PAPSS2: variants seen among roughly 807,000 people sequenced by gnomAD.
PAPSS2 encodes the protein bifunctional 3'-phosphoadenosine 5'-phosphosulfate synthase 2.
In PAPSS2, 61 loss-of-function variants were observed where a neutral mutation model predicts 66.5. That is an observed-to-expected ratio of 0.92 (90% CI 0.75 to 1.14). The LOEUF (loss-of-function observed/expected upper bound fraction) is 1.14. PAPSS2 is among the 50% of genes most tolerant of loss of function. The pLI, the probability that PAPSS2 is intolerant of heterozygous loss-of-function variation, is 0.00. For missense variants in PAPSS2, 708 were observed against 789.6 expected, an observed-to-expected ratio of 0.90 and a Z score of 1.24; for synonymous variants, 289 against 287.5, an observed-to-expected ratio of 1.01 and a Z score of -0.05.
intron 1 of PAPSS2, among the ~76,000 whole-genome samples, chr10:87,671,963 T>C (rs188301315): frequency 6.6e-6 from 1 of 152,314 alleles, no homozygotes; most frequent in East Asian, 1.9e-4. Flanking sequence ...GGGTAATTGC[T>C]ACCTCCCTGT....
intron 6 of PAPSS2, 67 bp downstream of exon 6, chr10:87,715,165 C>A: frequency 2.4e-6 from 2 of 842,024 alleles, no homozygotes; most frequent in Non-Finnish European, 4.1e-6. Context: ...TTTACAATTA[C>A]TCTTAACAAT....
chr10:87,696,949 T>C (rs1853241906), intron 1 of PAPSS2, among the ~76,000 whole-genome samples: 1 of 152,266 alleles, frequency 6.6e-6, no homozygotes, highest in South Asian at 2.1e-4. Context: ...CACATTAGTG[T>C]GGTACAATGA....
At chr10:87,673,689 C>CTTTTTTTTT (rs34935261) in intron 1 of PAPSS2, among the ~76,000 whole-genome samples, 1 of 67,424 alleles carries the variant, frequency 1.5e-5, no homozygotes. Flanking sequence ...TTTTGGCTTA[C>CTTTTTTTTT]TTTTTTTTTT....
At chr10:87,702,555 T>G (rs1338719186) in intron 1 of PAPSS2, among the ~76,000 whole-genome samples, 5 of 152,118 alleles carry the variant, frequency 3.3e-5, no homozygotes, top group Non-Finnish European at 7.3e-5. Flanking sequence ...TTGGAACACG[T>G]TTAATCAGCA....
chr10:87,734,661 GTGTATATATATATATATATATA>G (rs1391867197), intron 9 of PAPSS2, among the ~76,000 whole-genome samples: 3 of 90,378 alleles, frequency 3.3e-5, no homozygotes, highest in African/African-American at 1.4e-4. Flanking sequence ...ATGAATGTGT[GTGTATATATATATATATATATA>G]TATATATATA....
At position 87,682,882 on chromosome 10, in the gene PAPSS2, T is replaced by C. The variant is rs1033194681; in HGVS notation, c.27+22874T>C. On this transcript the variant is annotated intron_variant, in intron 1 of 12. Coordinates refer to ENST00000456849, the MANE Select transcript of PAPSS2 (RefSeq NM_001015880.2). ...AAGGTGAAGCAGCTGGAAGCCTTTT[T>C]TCTCCACCAGGAAAGGAGGATAGAG... Among the ~76,000 whole-genome samples, 11 of 152,212 alleles carry C rather than the reference T, an allele frequency of 7.2e-5. No individual in the cohort carries two copies. In the East Asian group the frequency reaches 2.1e-3, roughly 29 times the overall value.
intron 11 of PAPSS2, among the ~76,000 whole-genome samples, chr10:87,744,587 G>GCA (rs1853913220): frequency 6.6e-6 from 1 of 151,866 alleles, no homozygotes; most frequent in Non-Finnish European, 1.5e-5. Context: ...CAGCATTTGT[G>GCA]TGTGAAAGGT....
chr10:87,678,690 C>T (rs1482807063), intron 1 of PAPSS2, among the ~76,000 whole-genome samples: 4 of 152,022 alleles, frequency 2.6e-5, no homozygotes, highest in Non-Finnish European at 5.9e-5. Flanking sequence ...AAATGCTCCA[C>T]ATCACTAATT....
chr10:87,715,100 T>A lies in PAPSS2; in HGVS notation c.753+2T>A, dbSNP rs1376314247. 6.6e-7 allele frequency: 1 copy of A among 1,509,816 alleles called. No individual in the cohort carries two copies. Among genetic ancestry groups the A allele is most frequent in the Non-Finnish European group, 9.2e-7 (1 of 1,084,922 alleles). 93.5% of individuals were successfully genotyped at this position (1,509,816 alleles called of 1,614,324 possible). On this transcript the variant is annotated splice_donor_variant, in intron 6 of 12. Coordinates refer to ENST00000456849, the MANE Select transcript of PAPSS2 (RefSeq NM_001015880.2). LOFTEE classifies it high-confidence loss of function. ...CTCCCTTCATTATCAATTACTAAGG[T>A]AAGTGGGTGCAGACTGGTCAAATAA...
intron 1 of PAPSS2, among the ~76,000 whole-genome samples, chr10:87,674,096 A>G (rs1225197345): frequency 6.6e-6 from 1 of 152,146 alleles, no homozygotes; most frequent in Non-Finnish European, 1.5e-5. Flanking sequence ...AAGACTGATA[A>G]AGACAGAGCA....
intron 1 of PAPSS2, among the ~76,000 whole-genome samples, chr10:87,668,290 T>G (rs1226953787): frequency 6.6e-6 from 1 of 152,232 alleles, no homozygotes; most frequent in East Asian, 1.9e-4. Context: ...CTTTCCTTTT[T>G]CAGTTCCTGT....
At chr10:87,710,262 T>C (rs7908313) in intron 2 of PAPSS2, among the ~76,000 whole-genome samples, 74,955 of 151,966 alleles carry the variant, frequency 0.49, 19,347 homozygotes, top group East Asian at 0.72. Flanking sequence ...ATTCTTGTAC[T>C]CTTCAAGTTT....
At chr10:87,679,720 A>G (rs1852994318) in intron 1 of PAPSS2, among the ~76,000 whole-genome samples, 1 of 152,140 alleles carries the variant, frequency 6.6e-6, no homozygotes, top group African/African-American at 2.4e-5. Flanking sequence ...AACTCCTATA[A>G]ATCAATATTT....
Position 87,701,425 on chromosome 10 carries a change from T to TCC in PAPSS2, c.28-7770_28-7769insCC, listed in dbSNP as rs1564716873. On this transcript the variant is annotated intron_variant, in intron 1 of 12. Coordinates refer to ENST00000456849, the MANE Select transcript of PAPSS2 (RefSeq NM_001015880.2). Reference sequence around the variant, plus strand: ...TTCTTTCTCTCTCTCTCTCTCTCTCTCTCTCTCTTTCTTTCAGACAAGGTC... The same window carrying TCC: ...TTCTTTCTCTCTCTCTCTCTCTCTCTCCCTCTCTCTTTCTTTCAGACAAGGTC... Among the ~76,000 whole-genome samples, 10 of 130,302 alleles carry TCC rather than the reference T, an allele frequency of 7.7e-5. 2 individuals are homozygous for TCC. Among genetic ancestry groups the TCC allele is most frequent in the Non-Finnish European group, 1.6e-5 (1 of 63,404 alleles). The allele number at this position is 130,302 out of a possible 152,430, so 85.5% of individuals were successfully genotyped here.
At position 87,713,187 on chromosome 10, in the gene PAPSS2, C is replaced by T; in HGVS notation, c.258C>T (p.Asn86=). 1 of 1,612,948 alleles carries T rather than the reference C, an allele frequency of 6.2e-7. No homozygotes were observed. ...LDGDNVRHGL[N]RNLGFSPGDR... The stretch of plus-strand genomic sequence containing the variant: ...GGGACAATGTCCGTCATGGCCTTAA[C>T]AGAAATCTCGGATTCTCTCCTGGGG... Residue 86 remains asparagine (N), a synonymous_variant, in exon 3 of 13, where the codon AAC becomes AAT. Transcript: ENST00000456849.
chr10:87,701,312 C>T (rs564831920), intron 1 of PAPSS2, among the ~76,000 whole-genome samples: 59 of 74,240 alleles, frequency 7.9e-4, no homozygotes, highest in Non-Finnish European at 1.1e-3. Context: ...TCCTTCCTTC[C>T]TTCCTTCCTT....
chr10:87,706,935 A>G (rs1330211133), intron 1 of PAPSS2, among the ~76,000 whole-genome samples: 4 of 152,206 alleles, frequency 2.6e-5, no homozygotes, highest in African/African-American at 9.7e-5. Context: ...ATGCCCAGCC[A>G]CTTCCAAGTC....
intron 3 of PAPSS2, among the ~76,000 whole-genome samples, chr10:87,713,820 G>C (rs192157806): frequency 6.6e-6 from 1 of 152,304 alleles, no homozygotes; most frequent in East Asian, 1.9e-4. Context: ...CATATGGCCA[G>C]TGCTTTCCTG....
At chr10:87,741,209 A>G (rs752941500) in intron 9 of PAPSS2, 26 bp from the exon 10 acceptor site, 8 of 1,611,332 alleles carry the variant, frequency 5.0e-6, no homozygotes, top group African/African-American at 4.0e-5. Flanking sequence ...ATTAATCATT[A>G]GCAATCATAA....
Sources: allele counts gnomAD v4.1 joint callset (sites outside exome capture counted in the v4.1 genomes callset), GRCh38; gene constraint gnomAD v4.1.1; transcripts MANE v1.5; gene names NCBI Gene and HGNC (gene_info 2026-07-23, HGNC 2026-07-21).